MAGI2: variants seen among roughly 807,000 people sequenced by gnomAD.
MAGI2 encodes the protein membrane-associated guanylate kinase, WW and PDZ domain-containing protein 2.
In MAGI2, 35 loss-of-function variants were observed where a neutral mutation model predicts 133.3. The observed-to-expected ratio is 0.26, with a 90% CI of 0.20 to 0.35. The LOEUF (loss-of-function observed/expected upper bound fraction) is 0.35. Among genes scored for constraint, MAGI2 ranks in the 10% least tolerant of loss-of-function variants. The pLI is 1.00. For synonymous variants in MAGI2, 729 were observed against 710.6 expected (o/e 1.03, Z -0.41); for missense variants, 1,636 against 1,863.4 (o/e 0.88, Z 2.25).
chr7:78,176,605 T>C (rs1826638800), intron 14 of MAGI2, among the ~76,000 whole-genome samples: 1 of 152,186 alleles, frequency 6.6e-6, no homozygotes, highest in Admixed American at 6.5e-5. Context: ...TGAGACAGTT[T>C]TAACCGTTTC....
chr7:78,636,744 G>C (rs1809698160), intron 2 of MAGI2, among the ~76,000 whole-genome samples: 1 of 152,162 alleles, frequency 6.6e-6, no homozygotes, highest in Non-Finnish European at 1.5e-5. Context: ...TTTACAGTGA[G>C]TCGAGATCGT....
At chr7:78,772,605 C>T (rs904496044) in intron 2 of MAGI2, among the ~76,000 whole-genome samples, 1 of 152,098 alleles carries the variant, frequency 6.6e-6, no homozygotes, top group East Asian at 1.9e-4. Context: ...AGCCGAAATA[C>T]ACCCAGTCCC....
At chr7:79,042,958 TAAAC>T (rs1811809989) in intron 1 of MAGI2, among the ~76,000 whole-genome samples, 2 of 152,104 alleles carry the variant, frequency 1.3e-5, no homozygotes, top group Admixed American at 6.6e-5. Flanking sequence ...TCATGGAAAT[TAAAC>T]AACCTGCTCC....
At chr7:78,947,587 T>C (rs1801524167) in intron 2 of MAGI2, among the ~76,000 whole-genome samples, 1 of 152,098 alleles carries the variant, frequency 6.6e-6, no homozygotes, top group Non-Finnish European at 1.5e-5. Flanking sequence ...ATAGGCTGAA[T>C]TTAGAAATAG....
chr7:79,396,642 C>A (rs905360702), intron 1 of MAGI2, among the ~76,000 whole-genome samples: 2 of 152,032 alleles, frequency 1.3e-5, no homozygotes, highest in African/African-American at 4.8e-5. Flanking sequence ...TTATGTCCTG[C>A]GGGTTTGCAG....
chr7:79,058,572 C>T (rs1383048225), intron 1 of MAGI2, among the ~76,000 whole-genome samples: 1 of 152,066 alleles, frequency 6.6e-6, no homozygotes, highest in Non-Finnish European at 1.5e-5. Flanking sequence ...CCCCATATTA[C>T]ACATTTTACC....
At chr7:79,212,921 C>T (rs929634757) in intron 1 of MAGI2, among the ~76,000 whole-genome samples, 3 of 151,936 alleles carry the variant, frequency 2.0e-5, no homozygotes, top group African/African-American at 7.3e-5. Flanking sequence ...TCTGTTCTTC[C>T]ATGTGATTTT....
At chr7:79,007,900 T>C (rs1807617527) in intron 1 of MAGI2, among the ~76,000 whole-genome samples, 1 of 152,014 alleles carries the variant, frequency 6.6e-6, no homozygotes, top group Non-Finnish European at 1.5e-5. Flanking sequence ...TGTAGGGTTT[T>C]TTTTTCCTTT....
intron 6 of MAGI2, among the ~76,000 whole-genome samples, chr7:78,448,777 TAC>T (rs1788416157): frequency 6.6e-6 from 1 of 152,066 alleles, no homozygotes. Context: ...CACTGAAACA[TAC>T]ACAGACACCC....
At chr7:78,221,310 CTT>C (rs1312132587) in intron 10 of MAGI2, among the ~76,000 whole-genome samples, 1 of 152,216 alleles carries the variant, frequency 6.6e-6, no homozygotes, top group Non-Finnish European at 1.5e-5. Context: ...TGTTGTCCAA[CTT>C]TTCCATTTAC....
intron 21 of MAGI2, among the ~76,000 whole-genome samples, chr7:78,065,387 T>A (rs953669510): frequency 6.6e-6 from 1 of 152,286 alleles, no homozygotes; most frequent in East Asian, 1.9e-4. Context: ...GCGGTGCATC[T>A]CAAATTTTCA....
At chr7:78,803,483 A>G (rs1017688191) in intron 2 of MAGI2, among the ~76,000 whole-genome samples, 3 of 147,802 alleles carry the variant, frequency 2.0e-5, no homozygotes, top group Non-Finnish European at 4.4e-5. Flanking sequence ...GCTTACATTT[A>G]TTTATTTTTT....
At chr7:78,099,569 G>T (rs1384142982) in intron 20 of MAGI2, among the ~76,000 whole-genome samples, 1 of 152,096 alleles carries the variant, frequency 6.6e-6, no homozygotes, top group Non-Finnish European at 1.5e-5. Flanking sequence ...TAGAAGAACT[G>T]TATAATGCCA....
intron 1 of MAGI2, among the ~76,000 whole-genome samples, chr7:79,065,337 C>T (rs1219844930): frequency 6.6e-6 from 1 of 152,032 alleles, no homozygotes; most frequent in Non-Finnish European, 1.5e-5. Context: ...AGACTGAAAA[C>T]TGCTAGAGGG....
chr7:78,178,132 G>T lies in MAGI2; in HGVS notation c.2312-30C>A. 2.9e-6 allele frequency: 4 copies of T among 1,379,686 alleles called. No individual in the cohort carries two copies. In the South Asian group the frequency reaches 4.6e-5, roughly 16 times the overall value. 85.5% of individuals were successfully genotyped at this position (1,379,686 alleles called of 1,614,324 possible). The stretch of plus-strand genomic sequence containing the variant: ...CATAAAGGAGATCCCATTGAGTAAT[G>T]AATCCTGCCTCTTTCCCAGCCCCTG... On this transcript the variant is annotated intron_variant, in intron 13 of 21. Coordinates refer to ENST00000354212, the MANE Select transcript of MAGI2 (RefSeq NM_012301.4).
At chr7:78,247,239 C>A (rs768600151) in intron 10 of MAGI2, among the ~76,000 whole-genome samples, 1 of 152,136 alleles carries the variant, frequency 6.6e-6, no homozygotes, top group Non-Finnish European at 1.5e-5. Context: ...TATGCTGCCA[C>A]TGCTGTTGCC....
chr7:78,195,492 C>T (rs555696255), intron 11 of MAGI2, among the ~76,000 whole-genome samples: 59 of 152,344 alleles, frequency 3.9e-4, no homozygotes, highest in African/African-American at 1.3e-3. Flanking sequence ...AAGATACAGT[C>T]GTCTGCATAT....
Position 78,159,952 on chromosome 7 carries a change from T to G in MAGI2, c.2845+73A>C, listed in dbSNP as rs1322928355. 4.7e-6 allele frequency: 7 copies of G among 1,491,108 alleles called. 1 individual carries two copies. The highest frequency in any genetic ancestry group is 6.3e-6 in the Non-Finnish European group (7 of 1,118,090). The allele number at this position is 1,491,108 out of a possible 1,614,324, so 92.4% of individuals were successfully genotyped here. A position where few individuals can be genotyped will look rare whatever the true frequency, so the allele number is the denominator to read the frequency against. On this transcript the variant is annotated intron_variant, in intron 16 of 21. Transcript: ENST00000354212. ...CCGTGACAGTCTTCTGATATACTTG[T>G]CCGGTATCTGTATCACTGGAACAAA...
At chr7:79,131,718 A>G (rs897257191) in intron 1 of MAGI2, among the ~76,000 whole-genome samples, 1 of 152,154 alleles carries the variant, frequency 6.6e-6, no homozygotes, top group Non-Finnish European at 1.5e-5. Context: ...CAATTACAAT[A>G]GTATTGTAGC....
Sources: allele counts gnomAD v4.1 joint callset (sites outside exome capture counted in the v4.1 genomes callset), GRCh38; gene constraint gnomAD v4.1.1; transcripts MANE v1.5; gene names NCBI Gene and HGNC (gene_info 2026-07-23, HGNC 2026-07-21).